The following PSG11 variants were observed in gnomAD, a reference collection of about 807,000 sequenced individuals.
PSG11 encodes pregnancy specific beta-1-glycoprotein 11, also known as pregnancy-specific beta-1-glycoprotein 11.
In PSG11, 42 loss-of-function variants were observed where a neutral mutation model predicts 36.0. The ratio of observed to expected loss-of-function variants is 1.17; its 90% CI spans 0.91 to 1.51. The LOEUF is 1.51. Ranked by LOEUF, PSG11 falls within the 40% of genes most tolerant of loss-of-function variation. The pLI, the probability that PSG11 is intolerant of heterozygous loss-of-function variation, is 0.00. For synonymous variants in PSG11, 206 were observed against 153.5 expected (o/e 1.34, Z -2.53); for missense variants, 558 against 403.5 (o/e 1.38, Z -3.28).
At chr19:43,009,199 C>G (rs1487932651) in intron 5 of PSG11, among the ~76,000 whole-genome samples, 1 of 151,392 alleles carries the variant, frequency 6.6e-6, no homozygotes, top group African/African-American at 2.4e-5. Flanking sequence ...AAGATCTCAA[C>G]CACACATAGG....
At chr19:43,017,338 T>A (rs1003167084) in intron 3 of PSG11, 5 of 151,556 alleles carry the variant, frequency 3.3e-5, no homozygotes, top group Non-Finnish European at 7.4e-5. Context: ...CAGTGAGAAT[T>A]TCTTTTCAGC....
At chr19:43,016,425 A>G (rs944968562) in intron 3 of PSG11, among the ~76,000 whole-genome samples, 1 of 150,740 alleles carries the variant, frequency 6.6e-6, no homozygotes. Flanking sequence ...ATTCCATCCT[A>G]CTTTGCCCCC....
chr19:43,026,125 A>T (rs1274925021), intron 1 of PSG11, among the ~76,000 whole-genome samples, 184 bp downstream of exon 1: 6 of 149,422 alleles, frequency 4.0e-5, no homozygotes, highest in Middle Eastern at 3.4e-3. Context: ...GTACTTTTAG[A>T]AGAGACAGGG....
In PSG11 at chr19:43,024,863, A is replaced by G. The variant is rs1210588563; in HGVS notation, c.258T>C (p.Gly86=). 3.1e-6 allele frequency: 5 copies of G among 1,611,570 alleles called. No homozygotes were observed. Among genetic ancestry groups the G allele is most frequent in the Non-Finnish European group, 4.2e-6 (5 of 1,179,060 alleles). The part of the protein sequence containing the change: ...YHYITSYVVD[G]QIIIYGPAYS... ...ATGCCGGTCCATATATAATTATTTG[A>G]CCGTCTACTACATATGATGTAATGT... Residue 86 remains glycine (G), a synonymous_variant, in exon 2 of 6, where the codon GGT becomes GGC. Transcript: ENST00000320078.
intron 3 of PSG11, among the ~76,000 whole-genome samples, chr19:43,016,641 T>C (rs1357637554): frequency 2.0e-5 from 3 of 151,364 alleles, no homozygotes; most frequent in African/African-American, 7.3e-5. Flanking sequence ...AGTGGGGCAG[T>C]GTTTTGCAGG....
rs528055111 is a variant in PSG11 at position 43,009,134 on chromosome 19, C to T, written c.*40+824G>A. On this transcript the variant is annotated intron_variant, in intron 5 of 5. Transcript: ENST00000320078. Reference sequence around the variant, plus strand: ...GGCTTTGTGTCTCCTGGGGTGGGGCCCTTGCCTTCTTCATTTCTGTATGTT... The same window carrying T: ...GGCTTTGTGTCTCCTGGGGTGGGGCTCTTGCCTTCTTCATTTCTGTATGTT... Among the ~76,000 whole-genome samples, 6 of 151,352 alleles carry T rather than the reference C, an allele frequency of 4.0e-5. No individual in the cohort carries two copies. In the South Asian group the frequency reaches 1.1e-3, roughly 27 times the overall value.
intron 4 of PSG11, 190 bp from the exon 5 acceptor site, chr19:43,010,231 TTGG>T: frequency 4.8e-6 from 7 of 1,453,950 alleles, no homozygotes; most frequent in Non-Finnish European, 6.3e-6. Context: ...TGTTTCTCAG[TTGG>T]TGATCAGTCC....
intron 2 of PSG11, 92 bp from the exon 3 acceptor site, chr19:43,019,140 C>A (rs1363702456): frequency 3.2e-6 from 5 of 1,549,018 alleles, no homozygotes; most frequent in Admixed American, 1.9e-5. Flanking sequence ...TGCCACCTCT[C>A]AGCCCACCCG....
chr19:43,012,001 G>A (rs1475664122), intron 4 of PSG11, among the ~76,000 whole-genome samples: 1 of 150,636 alleles, frequency 6.6e-6, no homozygotes, highest in Non-Finnish European at 1.5e-5. Context: ...CAATAAATTG[G>A]ATAACCTAGA....
rs532249103 is a variant in PSG11, at chr19:43,025,426, G to A, written c.65-370C>T. 1.4e-4 allele frequency: 33 copies of A among 240,376 alleles called. 1 individual carries two copies. Among genetic ancestry groups the A allele is most frequent in the East Asian group, 6.8e-4 (7 of 10,314 alleles). 14.9% of individuals were successfully genotyped at this position (240,376 alleles called of 1,614,324 possible). A position where few individuals can be genotyped will look rare whatever the true frequency, so the allele number is the denominator to read the frequency against. ...ACTTCTTTCCTGACACCTCCTTCAG[G>A]GACTCTGGGTCTTCCCTTTCTGACC... On this transcript the variant is annotated intron_variant, in intron 1 of 5. Transcript: ENST00000320078.
rs534930791 is a variant in PSG11 at position 43,015,980 on chromosome 19, T to C, written c.710-610A>G. The C allele has an allele frequency of 3.7e-5, 59 of 1,609,916 alleles. 3 individuals are homozygous for C. Among genetic ancestry groups the C allele is most frequent in the African/African-American group, 8.1e-5 (6 of 74,162 alleles). The stretch of plus-strand genomic sequence containing the variant: ...TCACTCTTAGGTTCACAGGTGAAGG[T>C]TAAGACATCCTTATTCTCCCTGGGG... On this transcript the variant is annotated intron_variant, in intron 3 of 5. Transcript: ENST00000320078.
intron 2 of PSG11, among the ~76,000 whole-genome samples, chr19:43,020,117 G>A (rs542006994): frequency 4.6e-5 from 7 of 151,492 alleles, no homozygotes; most frequent in East Asian, 3.9e-4. Context: ...GTGTTGTTCC[G>A]TGGGTGTGCG....
chr19:43,021,042 C>A (rs548714123), intron 2 of PSG11, among the ~76,000 whole-genome samples: 3 of 151,440 alleles, frequency 2.0e-5, no homozygotes, highest in South Asian at 2.1e-4. Flanking sequence ...GTATGTGGCA[C>A]AGGCAGTAAA....
Position 43,024,607 on chromosome 19 carries a change from A to C in PSG11, c.430+84T>G, listed in dbSNP as rs571545974. 259 of 1,601,778 alleles carry C rather than the reference A, an allele frequency of 1.6e-4. 17 individuals are homozygous for C. In the African/African-American group the frequency reaches 2.7e-3, roughly 17 times the overall value. On this transcript the variant is annotated intron_variant, in intron 2 of 5. Coordinates refer to ENST00000320078, the MANE Select transcript of PSG11 (RefSeq NM_002785.3). ...CATAATGCAGAGAGGGACACAGGCA[A>C]TGTCCAGGCCTGACAATCCTGTGTG...
At chr19:43,025,367 C>T (rs1967218959) in intron 1 of PSG11, 2 of 382,814 alleles carry the variant, frequency 5.2e-6, no homozygotes, top group Non-Finnish European at 4.7e-6. Flanking sequence ...CTCCACACTG[C>T]CCTCAGGTCC....
At chr19:43,008,940 C>G (rs192651000) in intron 5 of PSG11, among the ~76,000 whole-genome samples, 6 of 151,154 alleles carry the variant, frequency 4.0e-5, no homozygotes, top group Non-Finnish European at 7.4e-5. Context: ...CGTCTCCAGA[C>G]CTTTAAACTG....
chr19:43,010,281 G>C, intron 4 of PSG11: 2 of 1,466,328 alleles, frequency 1.4e-6, no homozygotes, highest in Non-Finnish European at 1.8e-6. Context: ...TATTTTGGAA[G>C]GCTTTCAGAC....
At chr19:43,009,861 A>T in intron 5 of PSG11, 97 bp downstream of exon 5, 1 of 933,708 alleles carries the variant, frequency 1.1e-6, no homozygotes, top group Non-Finnish European at 1.7e-6. Context: ...ATGAAGGAGG[A>T]GATCCAGGCC....
chr19:43,007,886 C>G lies in PSG11; in HGVS notation c.*197G>C. 1 of 373,684 alleles carries G rather than the reference C, an allele frequency of 2.7e-6. No homozygotes were observed. The highest frequency in any genetic ancestry group is 3.8e-5 in the East Asian group (1 of 26,204). 23.1% of individuals were successfully genotyped at this position (373,684 alleles called of 1,614,324 possible). ...AAACATTATCCTTTTGTTATTTAGT[C>G]CAATGAAATGGAGTTCTTTTCTTCT... On this transcript the variant is annotated 3_prime_UTR_variant, in exon 6 of 6. Transcript: ENST00000320078.
Sources: gnomAD v4.1 joint callset for allele counts (sites outside exome capture counted in the v4.1 genomes callset) on GRCh38, gnomAD v4.1.1 for gene constraint, MANE v1.5 for transcripts, NCBI Gene and HGNC (gene_info 2026-07-23, HGNC 2026-07-21) for gene names.